Variants in NLGN1 observed in about 807,000 individuals in gnomAD.
NLGN1 encodes the protein neuroligin 1.
NLGN1 carries 12 observed loss-of-function variants against 65.5 expected under a neutral mutation model. The observed-to-expected ratio is 0.18, with a 90% CI of 0.12 to 0.30. The LOEUF (loss-of-function observed/expected upper bound fraction) is 0.30. Ranked by LOEUF, NLGN1 falls within the 10% of genes least tolerant of loss-of-function variation. The pLI, the probability that NLGN1 is intolerant of heterozygous loss-of-function variation, is 1.00. For synonymous variants in NLGN1, 350 were observed against 359.5 expected (o/e 0.97, Z 0.30); for missense variants, 750 against 1,007.1 (o/e 0.74, Z 3.46).
chr3:173,400,482 A>C (rs1036541206), intron 1 of NLGN1, among the ~76,000 whole-genome samples: 1 of 152,158 alleles, frequency 6.6e-6, no homozygotes, highest in Non-Finnish European at 1.5e-5. Flanking sequence ...CCAACACTAC[A>C]TACCATTTTA....
chr3:173,578,590 C>G (rs1350973570), intron 2 of NLGN1, among the ~76,000 whole-genome samples: 1 of 152,138 alleles, frequency 6.6e-6, no homozygotes, highest in Non-Finnish European at 1.5e-5. Context: ...GAAACATAGA[C>G]TCAAATAAAC....
chr3:173,411,647 A>C (rs1371009918), intron 1 of NLGN1, among the ~76,000 whole-genome samples: 1 of 152,078 alleles, frequency 6.6e-6, no homozygotes, highest in East Asian at 1.9e-4. Context: ...TGTGTATATG[A>C]AGTGAGGAAA....
chr3:173,494,904 G>A (rs1184283398), intron 2 of NLGN1, among the ~76,000 whole-genome samples: 1 of 151,652 alleles, frequency 6.6e-6, no homozygotes, highest in Admixed American at 6.6e-5. Context: ...ATACAGTCTT[G>A]ATTATTGAGA....
chr3:174,286,706 G>T (rs887064440), downstream of NLGN1: 1 of 151,486 alleles, frequency 6.6e-6, no homozygotes, highest in Non-Finnish European at 1.5e-5. Context: ...ACACAAAAAG[G>T]TTACTAAGAT....
chr3:174,288,785 T>C (rs996416029), downstream of NLGN1, among the ~76,000 whole-genome samples: 3 of 151,502 alleles, frequency 2.0e-5, no homozygotes, highest in African/African-American at 7.3e-5. Context: ...TTACACAAAG[T>C]ATATTTATTT....
chr3:173,683,984 T>G (rs1764332293), intron 3 of NLGN1, among the ~76,000 whole-genome samples: 1 of 152,116 alleles, frequency 6.6e-6, no homozygotes, highest in Non-Finnish European at 1.5e-5. Context: ...AAACAAATCA[T>G]ATATCATTAT....
At chr3:173,703,797 C>T (rs1325006845) in intron 3 of NLGN1, among the ~76,000 whole-genome samples, 4 of 152,146 alleles carry the variant, frequency 2.6e-5, no homozygotes, top group African/African-American at 7.2e-5. Context: ...ATATGGGATT[C>T]GTCATTAAAT....
chr3:173,400,389 T>C (rs978718995), intron 1 of NLGN1, among the ~76,000 whole-genome samples: 3 of 152,200 alleles, frequency 2.0e-5, no homozygotes, highest in Admixed American at 2.0e-4. Flanking sequence ...AACCTCCTTA[T>C]GTAGATTAAA....
At chr3:173,635,686 A>G (rs1451028232) in intron 3 of NLGN1, among the ~76,000 whole-genome samples, 1 of 152,168 alleles carries the variant, frequency 6.6e-6, no homozygotes, top group Non-Finnish European at 1.5e-5. Flanking sequence ...GAAATGATTT[A>G]CTTCTATTAT....
intron 2 of NLGN1, among the ~76,000 whole-genome samples, chr3:173,582,670 A>G (rs1003175819): frequency 1.3e-5 from 2 of 151,968 alleles, no homozygotes; most frequent in Non-Finnish European, 2.9e-5. Context: ...AAGCCCCTTT[A>G]TGTACTTTGG....
At chr3:174,231,776 G>GT (rs917465700) in intron 4 of NLGN1, among the ~76,000 whole-genome samples, 2 of 152,112 alleles carry the variant, frequency 1.3e-5, no homozygotes, top group Non-Finnish European at 2.9e-5. Flanking sequence ...AGCCTAGCTG[G>GT]TGTTGACACG....
At chr3:173,660,130 A>T (rs1459773802) in intron 3 of NLGN1, among the ~76,000 whole-genome samples, 10 of 151,876 alleles carry the variant, frequency 6.6e-5, no homozygotes, top group Admixed American at 6.6e-4. Flanking sequence ...CAGCGGAGGC[A>T]GGTGAATTAT....
chr3:173,982,717 C>G (rs1719030297), intron 4 of NLGN1, among the ~76,000 whole-genome samples: 1 of 152,140 alleles, frequency 6.6e-6, no homozygotes, highest in South Asian at 2.1e-4. Flanking sequence ...GTTTTCCTTT[C>G]TGTGGCTGCT....
intron 3 of NLGN1, among the ~76,000 whole-genome samples, chr3:173,754,024 C>CTTTTTTTTTTTTTTTTT (rs71162358): frequency 1.6e-4 from 20 of 121,608 alleles, no homozygotes; most frequent in East Asian, 2.4e-4. Context: ...TCTTTCTTTT[C>CTTTTTTTTTTTTTTTTT]TTTTTTTTTT....
intron 4 of NLGN1, among the ~76,000 whole-genome samples, chr3:174,125,011 G>C (rs1342288822): frequency 6.6e-6 from 1 of 152,062 alleles, no homozygotes; most frequent in Non-Finnish European, 1.5e-5. Context: ...TCTAGCTGCA[G>C]AATATTGAGA....
At chr3:173,668,314 GA>G in intron 3 of NLGN1, among the ~76,000 whole-genome samples, 1 of 152,104 alleles carries the variant, frequency 6.6e-6, no homozygotes, top group East Asian at 1.9e-4. Flanking sequence ...ATTGCCAGCA[GA>G]AGTAATGAGC....
chr3:173,613,503 CA>C (rs1444569832), intron 3 of NLGN1, among the ~76,000 whole-genome samples: 1 of 152,042 alleles, frequency 6.6e-6, no homozygotes, highest in Non-Finnish European at 1.5e-5. Context: ...TTTGTGTCAA[CA>C]AAATGATTCA....
intron 4 of NLGN1, among the ~76,000 whole-genome samples, chr3:174,205,553 T>C (rs1240489575): frequency 1.3e-5 from 2 of 152,218 alleles, no homozygotes; most frequent in African/African-American, 2.4e-5. Context: ...TTTGCTGTCA[T>C]AGTATCTGTA....
chr3:173,782,781 A>G (rs2046720), intron 3 of NLGN1, among the ~76,000 whole-genome samples: 103,764 of 151,074 alleles, frequency 0.69, 36,342 homozygotes, highest in Non-Finnish European at 0.76. Flanking sequence ...ATGTCTTATC[A>G]CCTTGCTTAT....
Sources: allele counts gnomAD v4.1 joint callset (sites outside exome capture counted in the v4.1 genomes callset), GRCh38; gene constraint gnomAD v4.1.1; transcripts MANE v1.5; gene names NCBI Gene and HGNC (gene_info 2026-07-23, HGNC 2026-07-21).